Variants in UBE2E2 observed in about 807,000 individuals in gnomAD.
The protein encoded by UBE2E2 is ubiquitin conjugating enzyme E2 E2, also known as ubiquitin-conjugating enzyme E2 E2.
Under a neutral mutation model 24.7 loss-of-function variants are expected in UBE2E2, and 6 were observed. The observed-to-expected ratio is 0.24, with a 90% CI of 0.13 to 0.48. The LOEUF is 0.48. UBE2E2 is among the 20% of genes least tolerant of loss of function. The pLI, the probability that UBE2E2 is intolerant of heterozygous loss-of-function variation, is 0.99. For synonymous variants in UBE2E2, 104 were observed against 83.6 expected (o/e 1.24, Z -1.33); for missense variants, 169 against 245.0 (o/e 0.69, Z 2.07).
chr3:23,560,411 G>A (rs1173091369), intron 5 of UBE2E2, among the ~76,000 whole-genome samples: 1 of 151,978 alleles, frequency 6.6e-6, no homozygotes, highest in Non-Finnish European at 1.5e-5. Context: ...CTTTTTTATG[G>A]CTGCATAATA....
At chr3:23,449,161 TC>T (rs1304299876) in intron 3 of UBE2E2, among the ~76,000 whole-genome samples, 2 of 152,222 alleles carry the variant, frequency 1.3e-5, no homozygotes, top group Non-Finnish European at 2.9e-5. Context: ...CCTATCACTT[TC>T]CATTGAACTG....
At chr3:23,311,651 C>G (rs1397356976) in intron 3 of UBE2E2, among the ~76,000 whole-genome samples, 4 of 152,248 alleles carry the variant, frequency 2.6e-5, no homozygotes, top group East Asian at 1.9e-4. Context: ...ATTTCCAGTG[C>G]TAACATGTTA....
chr3:23,457,509 T>G (rs1698705333), intron 3 of UBE2E2, among the ~76,000 whole-genome samples: 1 of 152,212 alleles, frequency 6.6e-6, no homozygotes, highest in South Asian at 2.1e-4. Flanking sequence ...CATCAGCTGC[T>G]GCTGCTTCAT....
intron 3 of UBE2E2, among the ~76,000 whole-genome samples, chr3:23,233,394 G>A (rs1388413081): frequency 6.6e-6 from 1 of 152,140 alleles, no homozygotes; most frequent in African/African-American, 2.4e-5. Flanking sequence ...CCTGAGATCT[G>A]AAGTGGGTGG....
chr3:23,463,076 G>T (rs1046945748), intron 3 of UBE2E2, among the ~76,000 whole-genome samples: 3 of 152,076 alleles, frequency 2.0e-5, no homozygotes, highest in Non-Finnish European at 2.9e-5. Context: ...TTATATCCAC[G>T]CTAAAAGGAG....
At chr3:23,478,896 A>ATATT (rs1192241310) in intron 3 of UBE2E2, among the ~76,000 whole-genome samples, 19 of 120,534 alleles carry the variant, frequency 1.6e-4, no homozygotes, top group Admixed American at 8.2e-4. Flanking sequence ...ATATATATAT[A>ATATT]TTTTTTTTTT....
At chr3:23,567,245 G>T (rs1338512422) in intron 5 of UBE2E2, among the ~76,000 whole-genome samples, 1 of 152,212 alleles carries the variant, frequency 6.6e-6, no homozygotes, top group Non-Finnish European at 1.5e-5. Context: ...GAGGGATATA[G>T]TAAGAGTTTG....
chr3:23,590,199 GTTGT>G lies in UBE2E2; in HGVS notation c.*371_*374del, dbSNP rs978508005. 4 of 179,148 alleles carry G rather than the reference GTTGT, an allele frequency of 2.2e-5. No individual in the cohort carries two copies. Among genetic ancestry groups the G allele is most frequent in the African/African-American group, 4.7e-5 (2 of 42,324 alleles). The allele number at this position is 179,148 out of a possible 1,614,324, so 11.1% of individuals were successfully genotyped here. A position where few individuals can be genotyped will look rare whatever the true frequency, so the allele number is the denominator to read the frequency against. ...ACTGTGTGGTTTTGTTTTTTTTGTT[GTTGT>G]TTATTTGATTTTGATTTTTTTTTCT... On this transcript the variant is annotated 3_prime_UTR_variant, in exon 6 of 6. Transcript: ENST00000396703.
intron 3 of UBE2E2, among the ~76,000 whole-genome samples, chr3:23,418,359 C>T (rs964810075): frequency 2.6e-5 from 4 of 152,252 alleles, no homozygotes; most frequent in African/African-American, 9.6e-5. Flanking sequence ...GCCCCACCCT[C>T]CATGGGCTGG....
chr3:23,497,131 G>A lies in UBE2E2; in HGVS notation c.228-2477G>A, dbSNP rs138299517. Among the ~76,000 whole-genome samples, 85 of 152,268 alleles carry A rather than the reference G, an allele frequency of 5.6e-4. 3 individuals are homozygous for A. In the East Asian group the frequency reaches 0.015, roughly 27 times the overall value. ...CATCATCTGTTTACAAGGTGAAATG[G>A]CAGCTAACCACAACTACAGACCTCA... On this transcript the variant is annotated intron_variant, in intron 3 of 5. Transcript: ENST00000396703.
chr3:23,382,895 G>GTT (rs201647740), intron 3 of UBE2E2, among the ~76,000 whole-genome samples: 3 of 149,066 alleles, frequency 2.0e-5, no homozygotes, highest in African/African-American at 7.4e-5. Context: ...GAAAAGGTTA[G>GTT]TTTTTTTTTT....
chr3:23,408,336 G>T (rs1697416341), intron 3 of UBE2E2, among the ~76,000 whole-genome samples: 1 of 151,958 alleles, frequency 6.6e-6, no homozygotes, highest in Admixed American at 6.6e-5. Context: ...GTATTGACTT[G>T]GGTTTGATAA....
chr3:23,576,185 A>T (rs991613314), intron 5 of UBE2E2, among the ~76,000 whole-genome samples: 26 of 152,352 alleles, frequency 1.7e-4, no homozygotes, highest in African/African-American at 6.3e-4. Flanking sequence ...AAAGATTTAA[A>T]TAAAACTAGG....
intron 4 of UBE2E2, among the ~76,000 whole-genome samples, chr3:23,516,312 A>T (rs1368230788): frequency 6.6e-6 from 1 of 152,006 alleles, no homozygotes; most frequent in Non-Finnish European, 1.5e-5. Context: ...AGTGCATAAA[A>T]CTTGAGTTTG....
chr3:23,236,904 T>G (rs1349365496), intron 3 of UBE2E2, among the ~76,000 whole-genome samples: 3 of 152,194 alleles, frequency 2.0e-5, no homozygotes, highest in Non-Finnish European at 2.9e-5. Flanking sequence ...GCATGGTCCT[T>G]TGTCTCTCTC....
At chr3:23,258,552 T>A (rs1697800217) in intron 3 of UBE2E2, among the ~76,000 whole-genome samples, 1 of 152,156 alleles carries the variant, frequency 6.6e-6, no homozygotes, top group Non-Finnish European at 1.5e-5. Flanking sequence ...AAATTTAGAT[T>A]ATTATGTTGA....
At chr3:23,286,580 A>G (rs906013203) in intron 3 of UBE2E2, among the ~76,000 whole-genome samples, 1 of 152,088 alleles carries the variant, frequency 6.6e-6, no homozygotes, top group Non-Finnish European at 1.5e-5. Flanking sequence ...AAGTCAGGTA[A>G]TATGATTTAT....
chr3:23,427,370 C>T (rs1266088699), intron 3 of UBE2E2, among the ~76,000 whole-genome samples: 1 of 151,596 alleles, frequency 6.6e-6, no homozygotes, highest in Non-Finnish European at 1.5e-5. Flanking sequence ...GCATAGGTTG[C>T]AGTGAGGCAA....
chr3:23,510,763 T>C (rs1694577880), intron 4 of UBE2E2, among the ~76,000 whole-genome samples: 2 of 152,188 alleles, frequency 1.3e-5, no homozygotes, highest in South Asian at 4.1e-4. Flanking sequence ...TCTTGTAGGT[T>C]GGTTGCTTTT....
Sources: gnomAD v4.1 joint callset for allele counts (sites outside exome capture counted in the v4.1 genomes callset) on GRCh38, gnomAD v4.1.1 for gene constraint, MANE v1.5 for transcripts, NCBI Gene and HGNC (gene_info 2026-07-23, HGNC 2026-07-21) for gene names.